The following CAMK1D variants were observed in gnomAD, a reference collection of about 807,000 sequenced individuals.
CAMK1D encodes the protein calcium/calmodulin-dependent protein kinase type 1D.
A neutral mutation model predicts 47.7 loss-of-function variants in CAMK1D; 9 were observed. The ratio of observed to expected loss-of-function variants is 0.19; its 90% CI spans 0.11 to 0.33. CAMK1D has a LOEUF of 0.33. CAMK1D is among the 10% of genes least tolerant of loss of function. The pLI is 1.00. For missense variants in CAMK1D, 291 were observed against 488.7 expected, an observed-to-expected ratio of 0.60 and a Z score of 3.81; for synonymous variants, 184 against 184.9, an observed-to-expected ratio of 0.99 and a Z score of 0.04.
chr10:12,707,235 G>A (rs189861861), intron 3 of CAMK1D, among the ~76,000 whole-genome samples: 3 of 152,166 alleles, frequency 2.0e-5, no homozygotes, highest in Non-Finnish European at 2.9e-5. Flanking sequence ...GTTATTCAGC[G>A]TGCCAGTTAG....
intron 2 of CAMK1D, among the ~76,000 whole-genome samples, chr10:12,661,117 C>T (rs1229681499): frequency 6.6e-6 from 1 of 152,158 alleles, no homozygotes; most frequent in Non-Finnish European, 1.5e-5. Context: ...CTGTCTGACC[C>T]ACTGGAATTT....
chr10:12,526,601 C>A (rs1364316850), intron 1 of CAMK1D, among the ~76,000 whole-genome samples: 2 of 151,962 alleles, frequency 1.3e-5, no homozygotes, highest in Admixed American at 1.3e-4. Flanking sequence ...GGCCTCAGAG[C>A]AAAACAAGAG....
chr10:12,606,465 T>C (rs576232922), intron 2 of CAMK1D, among the ~76,000 whole-genome samples: 3 of 152,280 alleles, frequency 2.0e-5, no homozygotes, highest in African/African-American at 7.2e-5. Flanking sequence ...TGCCTGATAG[T>C]TGTAGGAACC....
In CAMK1D at chr10:12,666,730, T is replaced by C; in HGVS notation, c.225-6T>C. 6.2e-7 allele frequency: 1 copy of C among 1,610,912 alleles called. No homozygotes were observed. The highest frequency in any genetic ancestry group is 8.5e-7 in the Non-Finnish European group (1 of 1,177,662). ...CACTATTTTGTGCGTCTATTTTTTT[T>C]TTCAGGATTAAGCATGAAAATATTG... On this transcript the variant is annotated splice_region_variant and splice_polypyrimidine_tract_variant and intron_variant, in intron 2 of 10. Coordinates refer to ENST00000619168, the MANE Select transcript of CAMK1D (RefSeq NM_153498.4).
chr10:12,441,239 C>T (rs1431138113), intron 1 of CAMK1D, among the ~76,000 whole-genome samples: 3 of 152,138 alleles, frequency 2.0e-5, no homozygotes, highest in Admixed American at 1.3e-4. Context: ...AATCTGTCAC[C>T]GGGGCTGGAG....
At chr10:12,727,109 G>A (rs1834679449) in intron 3 of CAMK1D, among the ~76,000 whole-genome samples, 2 of 152,224 alleles carry the variant, frequency 1.3e-5, no homozygotes, top group Admixed American at 6.5e-5. Context: ...TGGCTCATGG[G>A]GCCCAAATAG....
intron 1 of CAMK1D, among the ~76,000 whole-genome samples, chr10:12,426,402 A>G (rs547410843): frequency 2.4e-4 from 36 of 152,234 alleles, no homozygotes; most frequent in African/African-American, 8.7e-4. Flanking sequence ...ATGCGCCACC[A>G]TGCCCGGCTA....
At chr10:12,827,634 CT>C (rs1291484731) in intron 10 of CAMK1D, among the ~76,000 whole-genome samples, 1,025 of 53,356 alleles carry the variant, frequency 0.019, 38 homozygotes, top group Non-Finnish European at 0.03. Context: ...TCTCTCCTCT[CT>C]CCCCTCTCCC....
At chr10:12,742,507 G>A (rs1331001290) in intron 3 of CAMK1D, among the ~76,000 whole-genome samples, 1 of 152,152 alleles carries the variant, frequency 6.6e-6, no homozygotes, top group Non-Finnish European at 1.5e-5. Context: ...TAAATTGGCC[G>A]AGTTGTGCAA....
chr10:12,582,590 C>T (rs1353000704), intron 2 of CAMK1D, among the ~76,000 whole-genome samples: 6 of 152,236 alleles, frequency 3.9e-5, no homozygotes, highest in Middle Eastern at 3.4e-3. Flanking sequence ...TCTTTTACCT[C>T]CTTGGTTAGG....
At chr10:12,394,737 G>A (rs1432946327) in intron 1 of CAMK1D, among the ~76,000 whole-genome samples, 1 of 152,146 alleles carries the variant, frequency 6.6e-6, no homozygotes, top group East Asian at 1.9e-4. Context: ...GGGGGGTAAA[G>A]GTCAGATCAT....
intron 3 of CAMK1D, among the ~76,000 whole-genome samples, chr10:12,705,235 C>G (rs1833685709): frequency 6.6e-6 from 1 of 151,994 alleles, no homozygotes; most frequent in East Asian, 1.9e-4. Flanking sequence ...CTGAGGCAGG[C>G]AGATCACCTG....
At chr10:12,740,153 C>G (rs72771799) in intron 3 of CAMK1D, among the ~76,000 whole-genome samples, 8 of 152,340 alleles carry the variant, frequency 5.3e-5, no homozygotes, top group Non-Finnish European at 1.0e-4. Context: ...CACCTCTGCT[C>G]TCCGTTTATG....
intron 1 of CAMK1D, among the ~76,000 whole-genome samples, chr10:12,494,557 A>T (rs1000012916): frequency 6.6e-6 from 1 of 151,814 alleles, no homozygotes; most frequent in African/African-American, 2.4e-5. Flanking sequence ...TTTTGCCTTG[A>T]ATTTTCTTTC....
intron 1 of CAMK1D, among the ~76,000 whole-genome samples, chr10:12,544,308 C>G (rs1294581624): frequency 6.6e-6 from 1 of 152,090 alleles, no homozygotes; most frequent in Admixed American, 6.6e-5. Flanking sequence ...CTTGTCACAA[C>G]TTGAAAAAAA....
intron 1 of CAMK1D, among the ~76,000 whole-genome samples, chr10:12,464,187 C>T (rs540519565): frequency 1.4e-4 from 22 of 152,288 alleles, no homozygotes; most frequent in Admixed American, 3.9e-4. Flanking sequence ...TGTTGGTCCC[C>T]TCTTTGTCCC....
At chr10:12,452,037 G>A (rs1336314941) in intron 1 of CAMK1D, among the ~76,000 whole-genome samples, 1 of 152,162 alleles carries the variant, frequency 6.6e-6, no homozygotes, top group African/African-American at 2.4e-5. Context: ...AGGTTCAGAG[G>A]CAAAGCCCAC....
intron 3 of CAMK1D, among the ~76,000 whole-genome samples, chr10:12,752,025 G>A (rs1240081285): frequency 1.3e-5 from 2 of 149,942 alleles, no homozygotes; most frequent in African/African-American, 2.5e-5. Flanking sequence ...TCTGTCACCC[G>A]GGCCGGAGTG....
chr10:12,826,648 C>G (rs45437091), intron 10 of CAMK1D, among the ~76,000 whole-genome samples: 4,454 of 152,276 alleles, frequency 0.029, 96 homozygotes, highest in Non-Finnish European at 0.047. Context: ...TGGTCTCACC[C>G]TGGGCATCAT....
Sources: allele counts gnomAD v4.1 joint callset (sites outside exome capture counted in the v4.1 genomes callset), GRCh38; gene constraint gnomAD v4.1.1; transcripts MANE v1.5; gene names NCBI Gene and HGNC (gene_info 2026-07-23, HGNC 2026-07-21).